The following CLMP variants were observed in gnomAD, a reference collection of about 807,000 sequenced individuals.
CLMP encodes the protein CXADR like cell adhesion molecule.
CLMP carries 27 observed loss-of-function variants against 45.2 expected under a neutral mutation model. That is an observed-to-expected ratio of 0.60 (90% CI 0.44 to 0.82). The LOEUF (loss-of-function observed/expected upper bound fraction) is 0.82, where lower values mean the gene tolerates loss of function less well. Among genes scored for constraint, CLMP ranks in the 40% least tolerant of loss-of-function variants. The pLI, the probability that CLMP is intolerant of heterozygous loss-of-function variation, is 0.00. For missense variants in CLMP, 403 were observed against 448.4 expected (o/e 0.90, Z 0.91); for synonymous variants, 167 against 171.4 (o/e 0.97, Z 0.20).
Position 123,187,966 on chromosome 11 carries a change from G to A in CLMP, c.28+6947C>T, listed in dbSNP as rs150591279. Among the ~76,000 whole-genome samples the A allele has an allele frequency of 5.9e-3, 903 of 152,308 alleles. 30 individuals are homozygous for A. The highest frequency in any genetic ancestry group is 0.046 in the Admixed American group (704 of 15,302). On this transcript the variant is annotated intron_variant, in intron 1 of 6. Coordinates refer to ENST00000448775, the MANE Select transcript of CLMP (RefSeq NM_024769.5). ...CACAGGAATATCAGACACAGTCCCC[G>A]AAGACCTGCATGAGAAGAAATACAC...
rs1234149738 is a variant in CLMP at position 123,083,756 on chromosome 11, C to G, written c.480G>C (p.Glu160Asp). The G allele has an allele frequency of 6.2e-7, 1 of 1,613,974 alleles. No homozygotes were observed. Among genetic ancestry groups the G allele is most frequent in the African/African-American group, 1.3e-5 (1 of 74,934 alleles). The change falls in exon 4 of 7, where the codon GAG (glutamate) becomes GAC (aspartate). Residue 160 changes from glutamate to aspartate, a missense_variant. Physicochemically the swap from Glu to Asp is conservative, Grantham distance 45. Coordinates refer to ENST00000448775, the MANE Select transcript of CLMP (RefSeq NM_024769.5). ...TTCGCTGCCAGTAATACACAATGGG[C>G]TCTGTGCCAGAGGATGACTCACACT... ...TLQCESSSGT[E>D]PIVYYWQRIR...
intron 2 of CLMP, among the ~76,000 whole-genome samples, chr11:123,088,279 A>G (rs1205671687): frequency 1.3e-5 from 2 of 152,196 alleles, no homozygotes; most frequent in Non-Finnish European, 1.5e-5. Flanking sequence ...TAGTTGGAAA[A>G]GAAGGAAATG....
At chr11:123,152,559 TAAATAAAA>T (rs951878846) in intron 1 of CLMP, among the ~76,000 whole-genome samples, 5 of 149,680 alleles carry the variant, frequency 3.3e-5, no homozygotes, top group South Asian at 2.1e-4. Context: ...AATAAATAAA[TAAATAAAA>T]AATAAATAAA....
At chr11:123,085,284 C>T (rs566056243) in intron 2 of CLMP, among the ~76,000 whole-genome samples, 1 of 151,442 alleles carries the variant, frequency 6.6e-6, no homozygotes, top group South Asian at 2.1e-4. Flanking sequence ...AGTCTCGCTC[C>T]GTCACCCAGG....
chr11:123,175,711 T>A (rs1358681071), intron 1 of CLMP, among the ~76,000 whole-genome samples: 2 of 152,192 alleles, frequency 1.3e-5, no homozygotes, highest in African/African-American at 2.4e-5. Context: ...TTGCATTGGT[T>A]GACAAAGGCT....
At chr11:123,100,666 G>C (rs1035758017) in intron 1 of CLMP, among the ~76,000 whole-genome samples, 1 of 152,140 alleles carries the variant, frequency 6.6e-6, no homozygotes, top group Admixed American at 6.6e-5. Flanking sequence ...GGAAGTCACA[G>C]CCCTGCTTTG....
At chr11:123,154,583 C>T (rs12278652) in intron 1 of CLMP, among the ~76,000 whole-genome samples, 11,106 of 152,142 alleles carry the variant, frequency 0.073, 459 homozygotes, top group African/African-American at 0.11. Flanking sequence ...TATCATGACA[C>T]GGCATGTCAT....
In CLMP at chr11:123,194,998, C is replaced by G; in HGVS notation, c.-58G>C. On this transcript the variant is annotated 5_prime_UTR_variant, in exon 1 of 7. Transcript: ENST00000448775. ...AGCTGCTGCTTGGCTCCGGGGCGGC[C>G]GGGCGCCTCCGACGGACCTCGGGCG... 1.3e-6 allele frequency: 2 copies of G among 1,569,652 alleles called. No homozygotes were observed. The highest frequency in any genetic ancestry group is 2.4e-5 in the East Asian group (1 of 40,960).
chr11:123,167,371 C>T (rs1345989726), intron 1 of CLMP, among the ~76,000 whole-genome samples: 1 of 152,118 alleles, frequency 6.6e-6, no homozygotes, highest in East Asian at 1.9e-4. Flanking sequence ...CTGCAAGCTC[C>T]ACCTCCTGGG....
At chr11:123,169,534 C>A (rs1250544112) in intron 1 of CLMP, among the ~76,000 whole-genome samples, 1 of 152,218 alleles carries the variant, frequency 6.6e-6, no homozygotes, top group Non-Finnish European at 1.5e-5. Flanking sequence ...CAGTGTCCAA[C>A]CCCTCTTAGA....
At chr11:123,150,488 G>GA (rs1263238542) in intron 1 of CLMP, among the ~76,000 whole-genome samples, 4 of 47,834 alleles carry the variant, frequency 8.4e-5, no homozygotes, top group Admixed American at 2.2e-4. Context: ...AGAAAGGAAG[G>GA]AAGGAAGGAA....
At position 123,087,247 on chromosome 11, in the gene CLMP, G is replaced by C. The variant is rs528456728; in HGVS notation, c.187-2534C>G. ...AGCTACTCGGGAGGCTGAGGCAGGA[G>C]AATTGCTTGAACCCGGGAGGCGGAG... On this transcript the variant is annotated intron_variant, in intron 2 of 6. Coordinates refer to ENST00000448775, the MANE Select transcript of CLMP (RefSeq NM_024769.5). 2.3e-4 allele frequency among the ~76,000 whole-genome samples: 35 copies of C among 152,250 alleles called. No homozygotes were observed. In the South Asian group the frequency reaches 6.6e-3, roughly 29 times the overall value.
chr11:123,159,816 C>T (rs942997653), intron 1 of CLMP, among the ~76,000 whole-genome samples: 1 of 152,152 alleles, frequency 6.6e-6, no homozygotes, highest in African/African-American at 2.4e-5. Flanking sequence ...TTTTCAATTT[C>T]TAGCCAAAAG....
At chr11:123,159,225 T>G (rs1861453114) in intron 1 of CLMP, among the ~76,000 whole-genome samples, 1 of 152,210 alleles carries the variant, frequency 6.6e-6, no homozygotes, top group Non-Finnish European at 1.5e-5. Flanking sequence ...CGGAAATAGT[T>G]TAACAGTTAC....
chr11:123,145,877 A>G (rs1410103868), intron 1 of CLMP, among the ~76,000 whole-genome samples: 1 of 152,212 alleles, frequency 6.6e-6, no homozygotes. Flanking sequence ...AATTAGCGCC[A>G]TCTGCTACTT....
chr11:123,110,619 GA>G (rs1005131541), intron 1 of CLMP, among the ~76,000 whole-genome samples: 22 of 150,702 alleles, frequency 1.5e-4, no homozygotes, highest in Non-Finnish European at 3.0e-4. Flanking sequence ...ACTTCTCAAA[GA>G]AAAAAAAATG....
chr11:123,078,818 G>C (rs1258911276), intron 5 of CLMP, among the ~76,000 whole-genome samples: 2 of 151,972 alleles, frequency 1.3e-5, no homozygotes, highest in Non-Finnish European at 2.9e-5. Flanking sequence ...CTAATTTTTT[G>C]TATTTTTAGT....
intron 2 of CLMP, among the ~76,000 whole-genome samples, chr11:123,086,196 G>A (rs1215883489): frequency 6.6e-6 from 1 of 152,196 alleles, no homozygotes. Context: ...ACAGGTGTGA[G>A]CCACTGCGCC....
chr11:123,181,468 C>T (rs183580944), intron 1 of CLMP, among the ~76,000 whole-genome samples: 77 of 152,352 alleles, frequency 5.1e-4, no homozygotes, highest in African/African-American at 1.8e-3. Flanking sequence ...TTAAGTTCTT[C>T]CATCTCCCTT....
Sources: allele counts gnomAD v4.1 joint callset (sites outside exome capture counted in the v4.1 genomes callset), GRCh38; gene constraint gnomAD v4.1.1; transcripts MANE v1.5; gene names NCBI Gene and HGNC (gene_info 2026-07-23, HGNC 2026-07-21).